The following DPP6 variants were observed in gnomAD, a reference collection of about 807,000 sequenced individuals.
DPP6 encodes A-type potassium channel modulatory protein DPP6.
Under a neutral mutation model 122.6 loss-of-function variants are expected in DPP6, and 69 were observed. The ratio of observed to expected loss-of-function variants is 0.56; its 90% CI spans 0.46 to 0.69. The LOEUF is 0.69. DPP6 is among the 30% of genes least tolerant of loss of function. DPP6 has a pLI of 0.00. For synonymous variants in DPP6, 418 were observed against 433.1 expected, an observed-to-expected ratio of 0.97 and a Z score of 0.43; for missense variants, 928 against 1,116.9, an observed-to-expected ratio of 0.83 and a Z score of 2.41.
At chr7:153,927,472 A>G (rs1416608307) in intron 1 of DPP6, among the ~76,000 whole-genome samples, 1 of 152,236 alleles carries the variant, frequency 6.6e-6, no homozygotes, top group Non-Finnish European at 1.5e-5. Flanking sequence ...CAATATACAT[A>G]TACTGTATGG....
chr7:154,547,292 G>A (rs1443970357), intron 4 of DPP6, among the ~76,000 whole-genome samples: 1 of 152,236 alleles, frequency 6.6e-6, no homozygotes, highest in African/African-American at 2.4e-5. Flanking sequence ...CCGTGTTTTT[G>A]TGTACGGTTG....
intron 1 of DPP6, among the ~76,000 whole-genome samples, chr7:153,924,906 G>T (rs1045833591): frequency 1.3e-5 from 2 of 152,212 alleles, no homozygotes; most frequent in Non-Finnish European, 2.9e-5. Flanking sequence ...CATGGTTTCT[G>T]TAAGCTTGTT....
chr7:153,808,746 T>G, the DPP6 span, among the ~76,000 whole-genome samples: 1 of 152,072 alleles, frequency 6.6e-6, no homozygotes, highest in Non-Finnish European at 1.5e-5. Flanking sequence ...TTTTTAAAGC[T>G]GAATAACATT....
At chr7:154,592,746 G>A (rs4072753) in intron 5 of DPP6, among the ~76,000 whole-genome samples, 89,921 of 151,878 alleles carry the variant, frequency 0.59, 27,086 homozygotes, top group African/African-American at 0.7. Context: ...TACAGTGCAT[G>A]ATGTCCAGGA....
intron 1 of DPP6, among the ~76,000 whole-genome samples, chr7:154,138,138 T>C (rs1795671956): frequency 1.3e-5 from 2 of 152,218 alleles, no homozygotes; most frequent in Non-Finnish European, 2.9e-5. Flanking sequence ...ACAGAAAATA[T>C]GTGGACTTGA....
the DPP6 span, among the ~76,000 whole-genome samples, chr7:153,820,086 T>C: frequency 3.9e-5 from 6 of 152,348 alleles, no homozygotes; most frequent in Non-Finnish European, 7.3e-5. Flanking sequence ...ATATTTTAAA[T>C]GTTTTTAATT....
At chr7:154,815,925 A>G (rs1234531015) in intron 16 of DPP6, among the ~76,000 whole-genome samples, 1 of 152,246 alleles carries the variant, frequency 6.6e-6, no homozygotes, top group South Asian at 2.1e-4. Flanking sequence ...TGAGCCTAAA[A>G]TACAGTGACT....
At chr7:153,990,651 T>C (rs373295435) in intron 1 of DPP6, among the ~76,000 whole-genome samples, 4 of 151,828 alleles carry the variant, frequency 2.6e-5, no homozygotes, top group African/African-American at 9.7e-5. Context: ...CACAGGCAGG[T>C]GCATTGCTCT....
intron 1 of DPP6, among the ~76,000 whole-genome samples, chr7:154,115,638 A>G (rs145009358): frequency 0.012 from 1,879 of 152,264 alleles, 42 homozygotes; most frequent in African/African-American, 0.042. Context: ...TACTGATGAC[A>G]CTTGTACTTG....
intron 1 of DPP6, among the ~76,000 whole-genome samples, chr7:154,154,137 T>G (rs937980176): frequency 3.9e-5 from 6 of 152,202 alleles, no homozygotes; most frequent in African/African-American, 1.4e-4. Flanking sequence ...CCATATTGAT[T>G]GGTGATCCAA....
At chr7:154,278,156 C>T (rs879467360) in intron 1 of DPP6, among the ~76,000 whole-genome samples, 12 of 152,114 alleles carry the variant, frequency 7.9e-5, no homozygotes, top group African/African-American at 2.4e-4. Context: ...AGACAGGGAG[C>T]GTTTTTCACC....
At chr7:154,795,099 A>G (rs1797961149) in intron 11 of DPP6, among the ~76,000 whole-genome samples, 1 of 152,108 alleles carries the variant, frequency 6.6e-6, no homozygotes, top group Non-Finnish European at 1.5e-5. Context: ...CTTGAGGGGA[A>G]GGAAGGAACG....
intron 1 of DPP6, among the ~76,000 whole-genome samples, chr7:154,221,793 C>G (rs11979229): frequency 0.035 from 5,296 of 152,250 alleles, 291 homozygotes; most frequent in African/African-American, 0.12. Context: ...GAATTAAAAA[C>G]AGGAGCGGAT....
rs1815177240 is a variant in DPP6 at position 154,397,305 on chromosome 7, A to G, written c.244-48909A>G. 2.0e-5 allele frequency among the ~76,000 whole-genome samples: 3 copies of G among 152,094 alleles called. No homozygotes were observed. In the South Asian group the frequency reaches 6.2e-4, roughly 32 times the overall value. ...TACCAGAATTATAAAAAGACTGCAC[A>G]TGTTCAATTTTAATCTATATCTTAT... On this transcript the variant is annotated intron_variant, in intron 1 of 25. Coordinates refer to ENST00000377770, the MANE Select transcript of DPP6 (RefSeq NM_130797.4).
At chr7:153,832,207 C>T in the DPP6 span, among the ~76,000 whole-genome samples, 6 of 152,206 alleles carry the variant, frequency 3.9e-5, no homozygotes, top group African/African-American at 9.6e-5. Flanking sequence ...AACTAGCCTA[C>T]TTTAGATTTC....
chr7:154,282,853 G>C lies in DPP6; in HGVS notation c.244-163361G>C, dbSNP rs1804613744. On this transcript the variant is annotated intron_variant, in intron 1 of 25. Transcript: ENST00000377770. This position sits in a 1 kb window ranked among gnomAD's most constrained non-coding sequence, Gnocchi z 4.8. The stretch of plus-strand genomic sequence containing the variant: ...ATTTATAACAAGAGGTTGAAGGAGA[G>C]ATTGCCACTCTTTGGAGCCACATCT... Among the ~76,000 whole-genome samples, 1 of 152,132 alleles carries C rather than the reference G, an allele frequency of 6.6e-6. No individual in the cohort carries two copies.
intron 5 of DPP6, among the ~76,000 whole-genome samples, chr7:154,595,578 G>A (rs926764994): frequency 6.6e-6 from 1 of 152,176 alleles, no homozygotes; most frequent in African/African-American, 2.4e-5. Context: ...TCTATTAGGA[G>A]GCATTTCACA....
upstream of DPP6, among the ~76,000 whole-genome samples, chr7:153,884,056 A>T (rs978705901): frequency 2.0e-5 from 3 of 152,168 alleles, no homozygotes; most frequent in African/African-American, 7.2e-5. Flanking sequence ...ACATGTGCAC[A>T]ACGTGCAGGT....
intron 1 of DPP6, among the ~76,000 whole-genome samples, chr7:153,898,808 G>A (rs1044115066): frequency 6.6e-6 from 1 of 152,162 alleles, no homozygotes; most frequent in African/African-American, 2.4e-5. Flanking sequence ...TGGAATCTCA[G>A]GTCTTACCTG....
Sources: allele counts gnomAD v4.1 joint callset (sites outside exome capture counted in the v4.1 genomes callset), GRCh38; gene constraint gnomAD v4.1.1; non-coding constraint Gnocchi (gnomAD v3.1); transcripts MANE v1.5; gene names NCBI Gene and HGNC (gene_info 2026-07-23, HGNC 2026-07-21).